DYRK1A: variants seen among roughly 807,000 people sequenced by gnomAD.
The protein encoded by DYRK1A is dual specificity tyrosine phosphorylation regulated kinase 1A, also known as dual specificity tyrosine-phosphorylation-regulated kinase 1A.
Under a neutral mutation model 79.7 loss-of-function variants are expected in DYRK1A, and 9 were observed. That is an observed-to-expected ratio of 0.11 (90% CI 0.07 to 0.20). DYRK1A has a LOEUF of 0.20. Among genes scored for constraint, DYRK1A ranks in the 10% least tolerant of loss-of-function variants. DYRK1A has a pLI of 1.00. For missense variants in DYRK1A, 622 were observed against 956.0 expected, an observed-to-expected ratio of 0.65 and a Z score of 4.61; for synonymous variants, 349 against 329.7, an observed-to-expected ratio of 1.06 and a Z score of -0.63.
At chr21:37,418,771 C>T (rs2148424990) in intron 1 of DYRK1A, 1 of 152,230 alleles carries the variant, frequency 6.6e-6, no homozygotes, top group South Asian at 2.1e-4. Context: ...CATACACCCC[C>T]CACAATATGA....
At chr21:37,399,001 C>A (rs1271319957) in intron 1 of DYRK1A, among the ~76,000 whole-genome samples, 1 of 151,120 alleles carries the variant, frequency 6.6e-6, no homozygotes, top group East Asian at 1.9e-4. Flanking sequence ...ACCTTGTAGG[C>A]AAATAAAATG....
At position 37,367,133 on chromosome 21, in the gene DYRK1A, G is replaced by GTGTGCGAGTGTCTGTCTGTC. The variant is rs2049323065; in HGVS notation, c.-565_-546dup. ...CGATTGTGCGCGCGAGTGTGCGGGT[G>GTGTGCGAGTGTCTGTCTGTC]TGTGCGAGTGTCTGTCTGTCTGTGC... On this transcript the variant is annotated 5_prime_UTR_variant, in exon 1 of 12. Coordinates refer to ENST00000647188, the MANE Select transcript of DYRK1A (RefSeq NM_001347721.2). 1 of 152,872 alleles carries GTGTGCGAGTGTCTGTCTGTC rather than the reference G, an allele frequency of 6.5e-6. No individual in the cohort carries two copies. The highest frequency in any genetic ancestry group is 1.5e-5 in the Non-Finnish European group (1 of 68,402). The allele number at this position is 152,872 out of a possible 1,614,324, so 9.5% of individuals were successfully genotyped here.
intron 1 of DYRK1A, among the ~76,000 whole-genome samples, chr21:37,408,690 T>C (rs1030932714): frequency 6.6e-6 from 1 of 152,256 alleles, no homozygotes; most frequent in African/African-American, 2.4e-5. Flanking sequence ...ACTCTTAGGT[T>C]GCAAGTATCA....
At chr21:37,473,033 T>C (rs952177180) in intron 3 of DYRK1A, among the ~76,000 whole-genome samples, 153 bp downstream of exon 3, 13 of 152,182 alleles carry the variant, frequency 8.5e-5, no homozygotes, top group African/African-American at 2.7e-4. Flanking sequence ...AAGTTTGCAT[T>C]AAATTTTTTT....
chr21:37,468,198 A>G (rs2052098631), intron 2 of DYRK1A, among the ~76,000 whole-genome samples: 1 of 151,920 alleles, frequency 6.6e-6, no homozygotes, highest in African/African-American at 2.4e-5. Flanking sequence ...TGCAGCCTTG[A>G]AATCTTGGGC....
At chr21:37,498,064 C>G (rs1375516992) in intron 9 of DYRK1A, among the ~76,000 whole-genome samples, 2 of 152,132 alleles carry the variant, frequency 1.3e-5, no homozygotes, top group Non-Finnish European at 2.9e-5. Flanking sequence ...CATATACTTT[C>G]ATTGGCTATC....
rs372216747 is a variant in DYRK1A, at chr21:37,369,151, C to T, written c.-77+1523C>T. On this transcript the variant is annotated intron_variant, in intron 1 of 11. Coordinates refer to ENST00000647188, the MANE Select transcript of DYRK1A (RefSeq NM_001347721.2). ...TGAATGCTTAAGGGTTCCTCTGTGACCCTTTTATAGTTTATGTGTCCAAAG... is the reference window on the plus strand; with the variant it reads ...TGAATGCTTAAGGGTTCCTCTGTGATCCTTTTATAGTTTATGTGTCCAAAG... Among the ~76,000 whole-genome samples, 80 of 152,128 alleles carry T rather than the reference C, an allele frequency of 5.3e-4. No individual in the cohort carries two copies. In the South Asian group the frequency reaches 0.016, roughly 30 times the overall value.
intron 1 of DYRK1A, among the ~76,000 whole-genome samples, chr21:37,404,847 T>A (rs553856974): frequency 1.3e-5 from 2 of 152,246 alleles, no homozygotes; most frequent in Admixed American, 1.3e-4. Context: ...ACAGGTTCTT[T>A]GCAGGTGCTT....
At position 37,472,830 on chromosome 21, in the gene DYRK1A, G is replaced by C; in HGVS notation, c.157G>C (p.Val53Leu). 1.2e-6 allele frequency: 2 copies of C among 1,607,460 alleles called. No individual in the cohort carries two copies. The highest frequency in any genetic ancestry group is 1.7e-6 in the Non-Finnish European group (2 of 1,175,486). Residue 53 changes from valine (V) to leucine (L), a missense_variant, in exon 3 of 12, where the codon GTT (valine) becomes CTT (leucine). By Grantham distance (32) the Val-to-Leu change is conservative. This residue lies in a region of DYRK1A where 91 missense variants were observed against 113.8 expected (regional missense o/e 0.80). Coordinates refer to ENST00000647188, the MANE Select transcript of DYRK1A (RefSeq NM_001347721.2). ...CCAGCCAAACATAAGTGACCAACAGGTTTCTGCCTTATCATATTCTGACCA... is the reference window on the plus strand; with the variant it reads ...CCAGCCAAACATAAGTGACCAACAGCTTTCTGCCTTATCATATTCTGACCA... ...RRQPNISDQQ[V>L]SALSYSDQIQ...
At chr21:37,475,443 G>A (rs779011312) in intron 3 of DYRK1A, among the ~76,000 whole-genome samples, 1 of 152,210 alleles carries the variant, frequency 6.6e-6, no homozygotes, top group Non-Finnish European at 1.5e-5. Flanking sequence ...AGATATATAA[G>A]TAGGTATTTG....
intron 1 of DYRK1A, among the ~76,000 whole-genome samples, chr21:37,414,686 A>G (rs1230899508): frequency 6.6e-6 from 1 of 152,132 alleles, no homozygotes; most frequent in East Asian, 1.9e-4. Flanking sequence ...TCTGCATGTG[A>G]TAGGGGTGCT....
chr21:37,511,892 T>A lies in DYRK1A; in HGVS notation c.1645-19T>A. 6.2e-7 allele frequency: 1 copy of A among 1,602,280 alleles called. No individual in the cohort carries two copies. The highest frequency in any genetic ancestry group is 8.5e-7 in the Non-Finnish European group (1 of 1,172,090). On this transcript the variant is annotated intron_variant, in intron 11 of 11. Transcript: ENST00000647188. ...GAAACAGTCCTCTGAAAAATCCTTT[T>A]AAAAATCTGTTCTTTCAGGTGCGTC... is the stretch of plus-strand genomic sequence containing the variant.
chr21:37,407,946 C>G (rs777781911), intron 1 of DYRK1A, among the ~76,000 whole-genome samples: 19 of 152,106 alleles, frequency 1.2e-4, no homozygotes, highest in Non-Finnish European at 2.5e-4. Flanking sequence ...GGAGTTTTAC[C>G]CCGGCTCCCT....
At chr21:37,391,894 A>G (rs1388338978) in intron 1 of DYRK1A, among the ~76,000 whole-genome samples, 1 of 152,222 alleles carries the variant, frequency 6.6e-6, no homozygotes, top group Non-Finnish European at 1.5e-5. Flanking sequence ...CAGGGCATGT[A>G]GTAGGTGTGT....
At chr21:37,426,781 T>G (rs5019114) in intron 2 of DYRK1A, among the ~76,000 whole-genome samples, 146,664 of 146,672 alleles carry the variant, frequency 1, 73,328 homozygotes, top group Middle Eastern at 1. Flanking sequence ...TAAGCCAGGT[T>G]TGGTGGCGGG....
At chr21:37,490,586 TGGCAAAAACCGCAA>T in intron 7 of DYRK1A, 125 bp downstream of exon 7, 1 of 236,198 alleles carries the variant, frequency 4.2e-6, no homozygotes, top group Non-Finnish European at 7.4e-6. Flanking sequence ...GTTTTTGCAG[TGGCAAAAACCGCAA>T]TTACTTTTGC....
intron 2 of DYRK1A, among the ~76,000 whole-genome samples, chr21:37,470,339 T>A (rs116612254): frequency 6.6e-6 from 1 of 152,190 alleles, no homozygotes; most frequent in Non-Finnish European, 1.5e-5. Flanking sequence ...TAATGATTTT[T>A]ATCCTCTTTT....
intron 2 of DYRK1A, among the ~76,000 whole-genome samples, chr21:37,458,662 C>G (rs895468060): frequency 6.6e-6 from 1 of 152,192 alleles, no homozygotes; most frequent in Non-Finnish European, 1.5e-5. Flanking sequence ...CGCCTAAGTC[C>G]TAGCCTAATG....
chr21:37,413,924 A>G (rs894327939), intron 1 of DYRK1A, among the ~76,000 whole-genome samples: 1 of 152,188 alleles, frequency 6.6e-6, no homozygotes, highest in African/African-American at 2.4e-5. Context: ...AGGCTCTAAG[A>G]TTTAAAATTC....
Sources: gnomAD v4.1 joint callset for allele counts (sites outside exome capture counted in the v4.1 genomes callset) on GRCh38, gnomAD v4.1.1 for gene constraint, gnomAD v4.1.1 regional missense constraint, MANE v1.5 for transcripts, NCBI Gene and HGNC (gene_info 2026-07-23, HGNC 2026-07-21) for gene names.